The following DOK5 variants were observed in gnomAD, a reference collection of about 807,000 sequenced individuals.
The protein encoded by DOK5 is docking protein 5, also known as downstream of tyrosine kinase 5.
In DOK5, 27 loss-of-function variants were observed where a neutral mutation model predicts 43.3. The observed-to-expected ratio is 0.62, with a 90% CI of 0.46 to 0.86. DOK5 has a LOEUF of 0.86. Ranked by LOEUF, DOK5 falls within the 40% of genes least tolerant of loss-of-function variation. The pLI is 0.00. For synonymous variants in DOK5, 146 were observed against 140.1 expected, an observed-to-expected ratio of 1.04 and a Z score of -0.30; for missense variants, 373 against 392.9, an observed-to-expected ratio of 0.95 and a Z score of 0.43.
At chr20:54,577,862 C>A (rs992324222) in intron 2 of DOK5, among the ~76,000 whole-genome samples, 3 of 152,164 alleles carry the variant, frequency 2.0e-5, no homozygotes, top group Non-Finnish European at 4.4e-5. Context: ...GCACTTAAAG[C>A]ACATTAACTC....
intron 2 of DOK5, among the ~76,000 whole-genome samples, chr20:54,567,637 C>G (rs991924543): frequency 6.6e-6 from 1 of 152,018 alleles, no homozygotes; most frequent in Non-Finnish European, 1.5e-5. Context: ...ACTTTATTCT[C>G]TTTTTCAAAG....
intron 1 of DOK5, among the ~76,000 whole-genome samples, chr20:54,532,247 G>A (rs1017854099): frequency 6.6e-6 from 1 of 152,180 alleles, no homozygotes; most frequent in Non-Finnish European, 1.5e-5. Context: ...AGGACAGAGA[G>A]GTTAAACAAC....
At chr20:54,568,399 A>G (rs569004431) in intron 2 of DOK5, among the ~76,000 whole-genome samples, 67 of 152,378 alleles carry the variant, frequency 4.4e-4, no homozygotes, top group African/African-American at 1.4e-3. Context: ...ATCTCTTTGT[A>G]CATGATGCCA....
chr20:54,644,118 T>C (rs1424832323), intron 7 of DOK5, among the ~76,000 whole-genome samples: 1 of 152,138 alleles, frequency 6.6e-6, no homozygotes, highest in African/African-American at 2.4e-5. Context: ...TAGGAGCCAA[T>C]GTTTTGGTGG....
chr20:54,638,806 C>T lies in DOK5; in HGVS notation c.736-4652C>T, dbSNP rs1403565511. On this transcript the variant is annotated intron_variant, in intron 6 of 7. Coordinates refer to ENST00000262593, the MANE Select transcript of DOK5 (RefSeq NM_018431.5). ...TCTCGCTCTTTTGCCCAGGCTGGAG[C>T]GCAGTGGCATGATCTCAGCTCGCTG... is the stretch of plus-strand genomic sequence containing the variant. Among the ~76,000 whole-genome samples, 72 of 142,078 alleles carry T rather than the reference C, an allele frequency of 5.1e-4. 2 individuals carry two copies. Among genetic ancestry groups the T allele is most frequent in the African/African-American group, 1.8e-3 (67 of 37,952 alleles). The allele number at this position is 142,078 out of a possible 152,430, so 93.2% of individuals were successfully genotyped here. A position where few individuals can be genotyped will look rare whatever the true frequency, so the allele number is the denominator to read the frequency against.
chr20:54,642,574 A>G (rs1159625766), intron 6 of DOK5, among the ~76,000 whole-genome samples: 3 of 151,336 alleles, frequency 2.0e-5, no homozygotes, highest in Non-Finnish European at 4.4e-5. Context: ...AAAAAGAAAA[A>G]TTAGCCGGGC....
chr20:54,536,838 G>A (rs188218245), intron 1 of DOK5, among the ~76,000 whole-genome samples: 2 of 152,328 alleles, frequency 1.3e-5, no homozygotes, highest in Admixed American at 6.5e-5. Flanking sequence ...CCAAGATGAT[G>A]TCTGTGAAGG....
Position 54,641,571 on chromosome 20 carries a change from TCATCATCATCTC to T in DOK5, c.736-1882_736-1871del, listed in dbSNP as rs747783159. Among the ~76,000 whole-genome samples, 449 of 121,818 alleles carry T rather than the reference TCATCATCATCTC, an allele frequency of 3.7e-3. 2 individuals are homozygous for T. Among genetic ancestry groups the T allele is most frequent in the South Asian group, 0.022 (64 of 2,874 alleles). 79.9% of individuals were successfully genotyped at this position (121,818 alleles called of 152,430 possible). Reference sequence around the variant, plus strand: ...ATCATCATCATCATCATCATCATCATCATCATCATCTCCATCTCCATTTTTCCCCTTTACCTA... The same window carrying T: ...ATCATCATCATCATCATCATCATCATCATCTCCATTTTTCCCCTTTACCTA... On this transcript the variant is annotated intron_variant, in intron 6 of 7. Coordinates refer to ENST00000262593, the MANE Select transcript of DOK5 (RefSeq NM_018431.5).
intron 1 of DOK5, among the ~76,000 whole-genome samples, chr20:54,514,254 T>C (rs1263467435): frequency 1.3e-5 from 2 of 152,200 alleles, no homozygotes; most frequent in Non-Finnish European, 2.9e-5. Context: ...TCTTTCATTA[T>C]TCTGAATAAT....
At chr20:54,554,855 A>G in intron 1 of DOK5, 78 bp from the exon 2 acceptor site, 1 of 916,664 alleles carries the variant, frequency 1.1e-6, no homozygotes, top group East Asian at 2.5e-5. Context: ...TCACAGGTGA[A>G]AACATCAAAA....
chr20:54,584,210 T>A (rs1480020950), intron 2 of DOK5, among the ~76,000 whole-genome samples: 1 of 151,824 alleles, frequency 6.6e-6, no homozygotes, highest in Non-Finnish European at 1.5e-5. Flanking sequence ...TTTTATCATT[T>A]TATTGTTTTC....
At chr20:54,624,653 G>C (rs1211195758) in intron 6 of DOK5, among the ~76,000 whole-genome samples, 2 of 139,746 alleles carry the variant, frequency 1.4e-5, no homozygotes, top group South Asian at 4.2e-4. Flanking sequence ...ATGTATAGGT[G>C]GGGGAGAGAA....
chr20:54,645,628 G>A (rs1255395243), intron 7 of DOK5, among the ~76,000 whole-genome samples: 1 of 152,048 alleles, frequency 6.6e-6, no homozygotes, highest in East Asian at 1.9e-4. Context: ...AACTGGAGTG[G>A]ACATCTCTGA....
At chr20:54,644,719 A>ACAAAAAG (rs1158595115) in intron 7 of DOK5, among the ~76,000 whole-genome samples, 1 of 127,964 alleles carries the variant, frequency 7.8e-6, no homozygotes, top group African/African-American at 3.1e-5. Flanking sequence ...AAAAAAAAAA[A>ACAAAAAG]AAAAACAAAA....
At chr20:54,613,223 C>CCT (rs11470894) in intron 6 of DOK5, among the ~76,000 whole-genome samples, 7 of 149,052 alleles carry the variant, frequency 4.7e-5, no homozygotes, top group Non-Finnish European at 7.5e-5. Context: ...TCTCTCGTCA[C>CCT]CTCTCTCTCT....
intron 2 of DOK5, among the ~76,000 whole-genome samples, chr20:54,556,518 C>T (rs1024246771): frequency 7.2e-5 from 11 of 152,192 alleles, no homozygotes; most frequent in African/African-American, 2.7e-4. Context: ...TCATTTTGAA[C>T]CAGATGTATT....
chr20:54,577,438 GA>G (rs1240434694), intron 2 of DOK5, among the ~76,000 whole-genome samples: 1 of 152,178 alleles, frequency 6.6e-6, no homozygotes, highest in South Asian at 2.1e-4. Flanking sequence ...AAATTAAAAA[GA>G]AAAAATGATT....
At chr20:54,580,855 T>G (rs536461289) in intron 2 of DOK5, among the ~76,000 whole-genome samples, 83 of 152,280 alleles carry the variant, frequency 5.5e-4, no homozygotes, top group African/African-American at 1.9e-3. Flanking sequence ...ATTGTTTCTT[T>G]TCTATGTATA....
chr20:54,569,894 A>G (rs1379912769), intron 2 of DOK5, among the ~76,000 whole-genome samples: 4 of 152,204 alleles, frequency 2.6e-5, no homozygotes, highest in African/African-American at 9.7e-5. Flanking sequence ...GAATGAAACC[A>G]TGTATATGGG....
Sources: allele counts gnomAD v4.1 joint callset (sites outside exome capture counted in the v4.1 genomes callset), GRCh38; gene constraint gnomAD v4.1.1; transcripts MANE v1.5; gene names NCBI Gene and HGNC (gene_info 2026-07-23, HGNC 2026-07-21).